TXLNA: variants seen among roughly 807,000 people sequenced by gnomAD.
TXLNA encodes the protein alpha-taxilin.
In TXLNA, 9 loss-of-function variants were observed where a neutral mutation model predicts 61.4. That is an observed-to-expected ratio of 0.15 (90% CI 0.09 to 0.26). The LOEUF is 0.26. Among genes scored for constraint, TXLNA ranks in the 10% least tolerant of loss-of-function variants. TXLNA has a pLI of 1.00. For missense variants in TXLNA, 565 were observed against 688.8 expected (o/e 0.82, Z 2.01); for synonymous variants, 257 against 267.7 (o/e 0.96, Z 0.39).
intron 3 of TXLNA, among the ~76,000 whole-genome samples, chr1:32,182,959 C>G (rs1349221185): frequency 6.9e-6 from 1 of 145,410 alleles, no homozygotes; most frequent in Non-Finnish European, 1.5e-5. Flanking sequence ...CCCAGATACT[C>G]GGGAGGCTGA....
Position 32,190,220 on chromosome 1 carries a change from C to T in TXLNA, c.934C>T (p.Leu312=). Residue 312 remains leucine, a synonymous_variant, in exon 6 of 11, where the codon CTG becomes TTG. Transcript: ENST00000373610. ...GGAGCTGGCTGAGAGGCTCAAGAAG[C>T]TGATTGAGCAGTATGAGCTGCGCGA... ...NMELAERLKK[L]IEQYELREEH... is the part of the protein sequence containing the mutation. 6.2e-7 allele frequency: 1 copy of T among 1,605,658 alleles called. No homozygotes were observed. The highest frequency in any genetic ancestry group is 2.2e-5 in the East Asian group (1 of 44,652).
At chr1:32,191,665 C>A (rs1339227724) in intron 6 of TXLNA, among the ~76,000 whole-genome samples, 3 of 152,178 alleles carry the variant, frequency 2.0e-5, no homozygotes, top group Non-Finnish European at 4.4e-5. Flanking sequence ...CACAGGCACC[C>A]TCATCATACC....
At chr1:32,188,660 A>C (rs1642840400) in intron 5 of TXLNA, among the ~76,000 whole-genome samples, 1 of 152,002 alleles carries the variant, frequency 6.6e-6, no homozygotes, top group Admixed American at 6.6e-5. Flanking sequence ...AAAGTAGTGC[A>C]GGCTTGTGGC....
intron 9 of TXLNA, 21 bp downstream of exon 9, chr1:32,193,321 G>T: frequency 6.3e-7 from 1 of 1,576,010 alleles, no homozygotes; most frequent in Non-Finnish European, 8.7e-7. Context: ...TCCAGGCCAG[G>T]CATGGCTGCT....
intron 4 of TXLNA, among the ~76,000 whole-genome samples, chr1:32,186,263 T>C (rs1450927272): frequency 6.6e-6 from 1 of 152,158 alleles, no homozygotes; most frequent in East Asian, 1.9e-4. Flanking sequence ...GAAGGGGGCT[T>C]GGCTGTGGTA....
Position 32,194,867 on chromosome 1 carries a change from G to A in TXLNA, c.1348-35G>A, listed in dbSNP as rs551969926. 6 of 1,563,780 alleles carry A rather than the reference G, an allele frequency of 3.8e-6. No individual in the cohort carries two copies. The South Asian group carries it at 6.1e-5, about 16-fold the overall frequency. On this transcript the variant is annotated intron_variant, in intron 10 of 10. Coordinates refer to ENST00000373610, the MANE Select transcript of TXLNA (RefSeq NM_175852.4). ...GGTGATGGTAAGTGGGAGGTTGATG[G>A]GGCACGGCACTGAAGGTCTCATTTC...
chr1:32,190,784 C>T (rs1233236838), intron 6 of TXLNA, among the ~76,000 whole-genome samples: 1 of 152,118 alleles, frequency 6.6e-6, no homozygotes, highest in African/African-American at 2.4e-5. Context: ...CTTGCTGCTC[C>T]TGCCACTCAA....
Position 32,194,176 on chromosome 1 carries a change from T to C in TXLNA, c.1347+16T>C, listed in dbSNP as rs771058826. Reference sequence around the variant, plus strand: ...GGCTGAGGAGGTGGGCTGTCTGTGATCTGCAGCCAGGGTGGGGGTGTGCAC... The same window carrying C: ...GGCTGAGGAGGTGGGCTGTCTGTGACCTGCAGCCAGGGTGGGGGTGTGCAC... On this transcript the variant is annotated intron_variant, in intron 10 of 10. Coordinates refer to ENST00000373610, the MANE Select transcript of TXLNA (RefSeq NM_175852.4). The C allele has an allele frequency of 6.2e-7, 1 of 1,609,566 alleles. No homozygotes were observed. The highest frequency in any genetic ancestry group is 8.5e-7 in the Non-Finnish European group (1 of 1,176,736).
At position 32,192,226 on chromosome 1, in the gene TXLNA, C is replaced by A; in HGVS notation, c.964-85C>A. On this transcript the variant is annotated intron_variant, in intron 6 of 10. Coordinates refer to ENST00000373610, the MANE Select transcript of TXLNA (RefSeq NM_175852.4). The surrounding 1 kb of genome is among the most constrained non-coding windows in gnomAD (Gnocchi z 4.2). ...TATCAGATTGAGATGGGGGGCTGGG[C>A]AAAGTGCCCTGGTCTGTGGCTGTGG... The A allele has an allele frequency of 6.4e-7, 1 of 1,560,860 alleles. No homozygotes were observed. Among genetic ancestry groups the A allele is most frequent in the Non-Finnish European group, 8.7e-7 (1 of 1,146,840 alleles).
At chr1:32,194,817 C>G (rs1642981422) in intron 10 of TXLNA, 85 bp from the exon 11 acceptor site, 1 of 1,487,838 alleles carries the variant, frequency 6.7e-7, no homozygotes. Flanking sequence ...TGCTCTCAGC[C>G]TTGTTAAAGT....
In TXLNA at chr1:32,180,371, G is replaced by A. The variant is rs1393378048; in HGVS notation, c.26G>A (p.Gly9Glu). The change falls in exon 2 of 11, where the codon GGG (glycine) becomes GAG (glutamate). Residue 9 changes from glycine to glutamate, a missense_variant. Physicochemically the swap from Gly to Glu is moderately conservative, Grantham distance 98 (BLOSUM62 -2). Coordinates refer to ENST00000373610, the MANE Select transcript of TXLNA (RefSeq NM_175852.4). ...ATGAAGAACCAAGACAAAAAGAACG[G>A]GGCTGCCAAACAATCCAATCCAAAA... MKNQDKKN[G>E]AAKQSNPKSS... 6.2e-7 allele frequency: 1 copy of A among 1,613,514 alleles called. No homozygotes were observed. The highest frequency in any genetic ancestry group is 8.5e-7 in the Non-Finnish European group (1 of 1,179,832).
rs1298880641 is a variant in TXLNA, at chr1:32,183,631, T to A, written c.506-894T>A. Among the ~76,000 whole-genome samples the A allele has an allele frequency of 2.7e-5, 4 of 148,854 alleles. No individual in the cohort carries two copies. The Admixed American group carries it at 2.7e-4, about 10-fold the overall frequency. ...TTTTTTAGTAGAGACGGGGTTTCACTGTGTTAGCCAGGATGGTTTTGATCT... is the reference window on the plus strand; with the variant it reads ...TTTTTTAGTAGAGACGGGGTTTCACAGTGTTAGCCAGGATGGTTTTGATCT... On this transcript the variant is annotated intron_variant, in intron 3 of 10. Transcript: ENST00000373610.
Position 32,197,715 on chromosome 1 carries a change from GCTCAAGAGCGCATGGC to G in TXLNA, c.*2521_*2536del, listed in dbSNP as rs1643054601. 1 of 152,294 alleles carries G rather than the reference GCTCAAGAGCGCATGGC, an allele frequency of 6.6e-6. No homozygotes were observed. The highest frequency in any genetic ancestry group is 2.4e-5 in the African/African-American group (1 of 41,470). The allele number at this position is 152,294 out of a possible 1,614,324, so 9.4% of individuals were successfully genotyped here. On this transcript the variant is annotated 3_prime_UTR_variant, in exon 11 of 11. Coordinates refer to ENST00000373610, the MANE Select transcript of TXLNA (RefSeq NM_175852.4). This position sits in a 1 kb window ranked among gnomAD's most constrained non-coding sequence, Gnocchi z 4.6. ...CCTCCAGGGGACCACAGCAGGTGAA[GCTCAAGAGCGCATGGC>G]TCTGCTAATAGTAAATTGTTTTCAG...
rs1162538631 is a variant in TXLNA, at chr1:32,183,423, C to CTTT, written c.506-1082_506-1080dup. ...ACAGGCGTGGGCCACCGTACCCTGC[C>CTTT]TTTTTTTTTTTTTTTTTTTTTTGAG... is the stretch of plus-strand genomic sequence containing the variant. On this transcript the variant is annotated intron_variant, in intron 3 of 10. Transcript: ENST00000373610. 4.5e-3 allele frequency among the ~76,000 whole-genome samples: 411 copies of CTTT among 91,806 alleles called. 30 individuals are homozygous for CTTT. Among genetic ancestry groups the CTTT allele is most frequent in the African/African-American group, 0.015 (352 of 22,770 alleles). The allele number at this position is 91,806 out of a possible 152,430, so 60.2% of individuals were successfully genotyped here. A position where few individuals can be genotyped will look rare whatever the true frequency, so the allele number is the denominator to read the frequency against.
At position 32,195,409 on chromosome 1, in the gene TXLNA, A is replaced by G. The variant is rs1047965372; in HGVS notation, c.*214A>G. On this transcript the variant is annotated 3_prime_UTR_variant, in exon 11 of 11. Coordinates refer to ENST00000373610, the MANE Select transcript of TXLNA (RefSeq NM_175852.4). ...AATGCATTTATACCTGTAAGTGTACAGTGGGCTTGCATTGGGGATGGGGGT... is the reference window on the plus strand; with the variant it reads ...AATGCATTTATACCTGTAAGTGTACGGTGGGCTTGCATTGGGGATGGGGGT... 5.9e-5 allele frequency: 35 copies of G among 596,398 alleles called. No homozygotes were observed. The East Asian group carries it at 7.8e-4, about 13-fold the overall frequency. The allele number at this position is 596,398 out of a possible 1,614,324, so 36.9% of individuals were successfully genotyped here.
chr1:32,185,377 TG>T (rs1642759683), intron 4 of TXLNA, among the ~76,000 whole-genome samples: 5 of 150,326 alleles, frequency 3.3e-5, no homozygotes, highest in Admixed American at 1.3e-4. Flanking sequence ...TATGTATGTA[TG>T]TATGTATGTA....
At chr1:32,194,297 A>G (rs1053972571) in intron 10 of TXLNA, 137 bp downstream of exon 10, 2 of 720,126 alleles carry the variant, frequency 2.8e-6, no homozygotes, top group African/African-American at 3.5e-5. Flanking sequence ...TCCAAGTCCA[A>G]AGTTAATGCT....
Position 32,181,358 on chromosome 1 carries a change from G to C in TXLNA, c.286G>C (p.Gly96Arg). ...TGTGGACAATAACCAGGGGGGCCCC[G>C]GCGAGGATGGGGCACAGGGTGAGCC... The part of the protein sequence containing the change: ...YCVDNNQGGP[G>R]EDGAQGEPAE... Residue 96 changes from glycine to arginine, a missense_variant, in exon 3 of 11, where the codon GGC becomes CGC. By Grantham distance (125) the Gly-to-Arg change is moderately radical (BLOSUM62 -2). Around this residue, in one of 2 missense-constraint regions of TXLNA, gnomAD observed 192 missense variants for 184.8 expected, o/e 1.04. Transcript: ENST00000373610. The C allele has an allele frequency of 1.2e-6, 2 of 1,614,210 alleles. No individual in the cohort carries two copies. The highest frequency in any genetic ancestry group is 1.7e-6 in the Non-Finnish European group (2 of 1,180,046).
intron 4 of TXLNA, among the ~76,000 whole-genome samples, chr1:32,185,528 G>GAGGC (rs1163752368): frequency 3.3e-5 from 5 of 150,964 alleles, no homozygotes; most frequent in African/African-American, 1.2e-4. Flanking sequence ...GAGTAGCTGG[G>GAGGC]TCTACAGGCG....
Sources: allele counts gnomAD v4.1 joint callset (sites outside exome capture counted in the v4.1 genomes callset), GRCh38; gene constraint gnomAD v4.1.1; regional missense constraint gnomAD v4.1.1; non-coding constraint Gnocchi (gnomAD v3.1); transcripts MANE v1.5; gene names NCBI Gene and HGNC (gene_info 2026-07-23, HGNC 2026-07-21).